Variants in FCRL4 observed in about 807,000 individuals in gnomAD.
FCRL4 encodes Fc receptor-like protein 4.
A neutral mutation model predicts 64.1 loss-of-function variants in FCRL4; 43 were observed. That is an observed-to-expected ratio of 0.67 (90% CI 0.53 to 0.87). FCRL4 has a LOEUF of 0.87. Among genes scored for constraint, FCRL4 ranks in the 40% least tolerant of loss-of-function variants. The pLI is 0.00. For missense variants in FCRL4, 656 were observed against 613.5 expected (o/e 1.07, Z -0.73); for synonymous variants, 253 against 239.8 (o/e 1.05, Z -0.51).
At chr1:157,597,816 G>T in intron 1 of FCRL4, 98 bp downstream of exon 1, 1 of 847,540 alleles carries the variant, frequency 1.2e-6, no homozygotes, top group Non-Finnish European at 1.9e-6. Flanking sequence ...TTCTAAAATG[G>T]GAGTAAAAAT....
Position 157,586,430 on chromosome 1 carries a change from C to A in FCRL4, c.873G>T (p.Leu291=). 6.2e-7 allele frequency: 1 copy of A among 1,610,966 alleles called. No homozygotes were observed. Among genetic ancestry groups the A allele is most frequent in the South Asian group, 1.1e-5 (1 of 91,020 alleles). Residue 291 remains leucine, a synonymous_variant, in exon 6 of 12, where the codon CTG becomes CTT. Coordinates refer to ENST00000271532, the MANE Select transcript of FCRL4 (RefSeq NM_031282.3). ...CCTGGCCCCCTGAGGGCTGGGTCTCCAGGAGCACCCCAGACACAGGGATCC... is the reference window on the plus strand; with the variant it reads ...CCTGGCCCCCTGAGGGCTGGGTCTCAAGGAGCACCCCAGACACAGGGATCC... The part of the protein sequence containing the change: ...VQRIPVSGVL[L]ETQPSGGQAV...
At chr1:157,583,740 G>C (rs905206318) in intron 6 of FCRL4, among the ~76,000 whole-genome samples, 3 of 152,216 alleles carry the variant, frequency 2.0e-5, no homozygotes, top group Non-Finnish European at 4.4e-5. Flanking sequence ...GGTTATGGCA[G>C]TTCAAGCTGC....
At chr1:157,588,887 T>C (rs1430921463) in intron 3 of FCRL4, among the ~76,000 whole-genome samples, 1 of 152,240 alleles carries the variant, frequency 6.6e-6, no homozygotes, top group African/African-American at 2.4e-5. Flanking sequence ...TTTACATGTG[T>C]GTAATTTCTC....
Position 157,574,107 on chromosome 1 carries a change from T to G in FCRL4, c.*1417A>C, listed in dbSNP as rs1373166052. On this transcript the variant is annotated 3_prime_UTR_variant, in exon 12 of 12. Transcript: ENST00000271532. The stretch of plus-strand genomic sequence containing the variant: ...AGCGTAGTTGGGATATCTGTCACCT[T>G]AAATATTCGTCTTTTCTTTATGTTG... The G allele has an allele frequency of 4.6e-6, 1 of 218,196 alleles. No homozygotes were observed. The highest frequency in any genetic ancestry group is 2.2e-5 in the African/African-American group (1 of 44,530). 13.5% of individuals were successfully genotyped at this position (218,196 alleles called of 1,614,324 possible).
chr1:157,586,209 T>C lies in FCRL4; in HGVS notation c.1094A>G (p.Tyr365Cys). 1 of 1,613,996 alleles carries C rather than the reference T, an allele frequency of 6.2e-7. No homozygotes were observed. Among genetic ancestry groups the C allele is most frequent in the Admixed American group, 1.7e-5 (1 of 60,028 alleles). ...GGYYCTADNSYGPVQSMVLNV... is the reference protein window; with the variant it reads ...GGYYCTADNSCGPVQSMVLNV... Reference sequence around the variant, plus strand: ...CAGCACCATGCTCTGGACAGGGCCGTAGCTGTTGTCTGCTGTACAGTAGTA... The same window carrying C: ...CAGCACCATGCTCTGGACAGGGCCGCAGCTGTTGTCTGCTGTACAGTAGTA... The change falls in exon 6 of 12, where the codon TAC becomes TGC. Residue 365 changes from tyrosine to cysteine, a missense_variant. Physicochemically the swap from Tyr to Cys is radical, Grantham distance 194. Coordinates refer to ENST00000271532, the MANE Select transcript of FCRL4 (RefSeq NM_031282.3).
chr1:157,590,994 T>C (rs1030096721), intron 2 of FCRL4, among the ~76,000 whole-genome samples: 1 of 152,212 alleles, frequency 6.6e-6, no homozygotes, highest in Non-Finnish European at 1.5e-5. Context: ...TACAGAGTGG[T>C]TCCCCAAATA....
intron 8 of FCRL4, among the ~76,000 whole-genome samples, chr1:157,579,382 A>G (rs1652495987): frequency 6.7e-6 from 1 of 149,448 alleles, no homozygotes; most frequent in South Asian, 2.1e-4. Flanking sequence ...ATATATACAT[A>G]ATGGCTTCTT....
intron 8 of FCRL4, among the ~76,000 whole-genome samples, 158 bp downstream of exon 8, chr1:157,580,163 T>C (rs1280640410): frequency 7.9e-5 from 12 of 152,236 alleles, no homozygotes; most frequent in Admixed American, 5.9e-4. Flanking sequence ...AGCAAAGTTC[T>C]AGGAAGCTTC....
intron 8 of FCRL4, 125 bp downstream of exon 8, chr1:157,580,196 G>T: frequency 9.8e-7 from 1 of 1,018,938 alleles, no homozygotes; most frequent in Non-Finnish European, 1.5e-6. Context: ...TTCATGGAGT[G>T]TGAAAATGGA....
rs1653008070 is a variant in FCRL4, at chr1:157,598,082, T to C, written c.-138A>G. On this transcript the variant is annotated 5_prime_UTR_variant, in exon 1 of 12. Transcript: ENST00000271532. ...CTTCTCTGCATAAAGCTGATTGAGA[T>C]AATGAAGTGAAAGGGGGAAGTAGAG... 3 of 639,170 alleles carry C rather than the reference T, an allele frequency of 4.7e-6. No individual in the cohort carries two copies. The highest frequency in any genetic ancestry group is 2.5e-5 in the Admixed American group (1 of 39,584). 39.6% of individuals were successfully genotyped at this position (639,170 alleles called of 1,614,324 possible).
intron 1 of FCRL4, 32 bp downstream of exon 1, chr1:157,597,882 C>G: frequency 1.9e-6 from 3 of 1,604,302 alleles, no homozygotes; most frequent in Non-Finnish European, 2.6e-6. Context: ...CTCAGCTTTG[C>G]AGCAAGCAAA....
chr1:157,593,886 C>G (rs1320436489), intron 2 of FCRL4, among the ~76,000 whole-genome samples: 1 of 152,190 alleles, frequency 6.6e-6, no homozygotes, highest in Non-Finnish European at 1.5e-5. Context: ...AACATTCACT[C>G]AAACGTCCTT....
intron 10 of FCRL4, among the ~76,000 whole-genome samples, chr1:157,576,399 T>C (rs1652416328): frequency 2.0e-5 from 3 of 152,158 alleles, no homozygotes. Flanking sequence ...CCCAAACCTT[T>C]AGGGGTTACA....
At position 157,578,822 on chromosome 1, in the gene FCRL4, G is replaced by A; in HGVS notation, c.1308C>T (p.Ser436=). ...CCTGGGCAGGGCAGATGGAATGGGA[G>A]GACTCTCCTGGGCCTGGAGCGGGAG... ...RLPPAPGPGE[S]SHSICPAQVE... Residue 436 remains serine (S), a synonymous_variant, in exon 9 of 12, where the codon TCC becomes TCT. Transcript: ENST00000271532. 1 of 1,613,772 alleles carries A rather than the reference G, an allele frequency of 6.2e-7. No individual in the cohort carries two copies. The highest frequency in any genetic ancestry group is 2.2e-5 in the East Asian group (1 of 44,860).
At chr1:157,583,723 G>A (rs1187202804) in intron 6 of FCRL4, among the ~76,000 whole-genome samples, 2 of 152,174 alleles carry the variant, frequency 1.3e-5, no homozygotes, top group African/African-American at 4.8e-5. Context: ...CCCAGTCCCT[G>A]GTGTTTGGTT....
chr1:157,585,786 T>C (rs1040615497), intron 6 of FCRL4, among the ~76,000 whole-genome samples: 6 of 152,134 alleles, frequency 3.9e-5, no homozygotes, highest in South Asian at 2.1e-4. Context: ...GTGTGTGGTG[T>C]GTGTGAATGA....
rs894438834 is a variant in FCRL4 at position 157,586,529 on chromosome 1, A to C, written c.848-74T>G. The C allele has an allele frequency of 2.9e-5, 41 of 1,417,764 alleles. No homozygotes were observed. The African/African-American group carries it at 5.7e-4, about 20-fold the overall frequency. 87.8% of individuals were successfully genotyped at this position (1,417,764 alleles called of 1,614,324 possible). A position where few individuals can be genotyped will look rare whatever the true frequency, so the allele number is the denominator to read the frequency against. ...GGGCTAGGTAGCTGGGGTGTTGGGC[A>C]GGGTTACTTTTTATGTGACTTCAAG... On this transcript the variant is annotated intron_variant, in intron 5 of 11. Coordinates refer to ENST00000271532, the MANE Select transcript of FCRL4 (RefSeq NM_031282.3).
At chr1:157,595,209 A>C (rs1204079480) in intron 2 of FCRL4, among the ~76,000 whole-genome samples, 5 of 152,180 alleles carry the variant, frequency 3.3e-5, no homozygotes, top group African/African-American at 1.2e-4. Flanking sequence ...CTCTGCAGAC[A>C]CTTTTTAAAA....
At position 157,580,349 on chromosome 1, in the gene FCRL4, C is replaced by T. The variant is rs1387347251; in HGVS notation, c.1250-1G>A. 1.2e-6 allele frequency: 2 copies of T among 1,613,984 alleles called. No homozygotes were observed. Among genetic ancestry groups the T allele is most frequent in the East Asian group, 2.2e-5 (1 of 44,882 alleles). On this transcript the variant is annotated splice_acceptor_variant, in intron 7 of 11. Transcript: ENST00000271532. LOFTEE classifies it high-confidence loss of function. ...GTTTCGTCTCCCAAGAAACCAACTC[C>T]TGCAAAATAAAGCAAAGACGCATTT... is the stretch of plus-strand genomic sequence containing the variant.
Sources: allele counts gnomAD v4.1 joint callset (sites outside exome capture counted in the v4.1 genomes callset), GRCh38; gene constraint gnomAD v4.1.1; transcripts MANE v1.5; gene names NCBI Gene and HGNC (gene_info 2026-07-23, HGNC 2026-07-21).